MSI2: variants seen among roughly 807,000 people sequenced by gnomAD.
The protein encoded by MSI2 is musashi RNA binding protein 2, also known as RNA-binding protein Musashi homolog 2.
MSI2 carries 17 observed loss-of-function variants against 45.6 expected under a neutral mutation model. That is an observed-to-expected ratio of 0.37 (90% CI 0.26 to 0.56). The LOEUF is 0.56. MSI2 is among the 20% of genes least tolerant of loss of function. MSI2 has a pLI of 0.77. For synonymous variants in MSI2, 156 were observed against 158.2 expected (o/e 0.99, Z 0.11); for missense variants, 293 against 444.2 (o/e 0.66, Z 3.06).
At chr17:57,569,361 A>G (rs1407462625) in intron 7 of MSI2, among the ~76,000 whole-genome samples, 4 of 152,220 alleles carry the variant, frequency 2.6e-5, no homozygotes, top group Non-Finnish European at 5.9e-5. Context: ...TAGAAAAGGC[A>G]TCTCTGCCCC....
At chr17:57,327,413 A>G (rs912279204) in intron 5 of MSI2, among the ~76,000 whole-genome samples, 8 of 152,232 alleles carry the variant, frequency 5.3e-5, no homozygotes, top group African/African-American at 1.7e-4. Flanking sequence ...TCAGCAAGGT[A>G]CCTGGAATGA....
intron 5 of MSI2, among the ~76,000 whole-genome samples, chr17:57,321,089 G>T (rs1187196688): frequency 6.6e-6 from 1 of 151,572 alleles, no homozygotes; most frequent in African/African-American, 2.4e-5. Flanking sequence ...ATAATTGGCG[G>T]TGGGGGGGAT....
intron 6 of MSI2, among the ~76,000 whole-genome samples, chr17:57,457,263 A>T (rs1385123765): frequency 6.6e-6 from 1 of 152,102 alleles, no homozygotes; most frequent in African/African-American, 2.4e-5. Context: ...ACAGAATTGG[A>T]CTCTAGATGG....
intron 6 of MSI2, among the ~76,000 whole-genome samples, chr17:57,502,775 C>T (rs1386221036): frequency 2.0e-5 from 3 of 151,292 alleles, no homozygotes; most frequent in Admixed American, 6.6e-5. Context: ...TGTTGGGAAC[C>T]GACCACCTAC....
chr17:57,411,903 A>G (rs2084203881), intron 6 of MSI2, among the ~76,000 whole-genome samples: 1 of 151,978 alleles, frequency 6.6e-6, no homozygotes, highest in Non-Finnish European at 1.5e-5. Flanking sequence ...GCTACTCAGA[A>G]GGCTGAGGCA....
chr17:57,437,602 G>A (rs537314297), intron 6 of MSI2, among the ~76,000 whole-genome samples: 1 of 152,304 alleles, frequency 6.6e-6, no homozygotes, highest in Non-Finnish European at 1.5e-5. Flanking sequence ...TCAAACTTTT[G>A]TCCTTGGCTC....
intron 6 of MSI2, among the ~76,000 whole-genome samples, chr17:57,453,325 T>G (rs928726057): frequency 1.3e-5 from 2 of 152,146 alleles, no homozygotes; most frequent in African/African-American, 4.8e-5. Flanking sequence ...CTTTTGCTTG[T>G]GGTCACTTCC....
At chr17:57,578,750 C>T (rs1398674720) in intron 7 of MSI2, among the ~76,000 whole-genome samples, 1 of 152,106 alleles carries the variant, frequency 6.6e-6, no homozygotes, top group Non-Finnish European at 1.5e-5. Context: ...GGCGCAAAAC[C>T]AATTCCTCTT....
rs767342019 is a variant in MSI2, at chr17:57,273,486, T to A, written c.312+11294T>A. ...ATGATTTTTTTTTTTTTTTTTCTTTTACTGGATTCACACAACTGCAGAACA... is the reference window on the plus strand; with the variant it reads ...ATGATTTTTTTTTTTTTTTTTCTTTAACTGGATTCACACAACTGCAGAACA... On this transcript the variant is annotated intron_variant, in intron 5 of 13. Transcript: ENST00000284073. Among the ~76,000 whole-genome samples the A allele has an allele frequency of 2.3e-3, 315 of 139,268 alleles. 1 individual carries two copies. Among genetic ancestry groups the A allele is most frequent in the Non-Finnish European group, 4.1e-3 (266 of 65,092 alleles). The allele number at this position is 139,268 out of a possible 152,430, so 91.4% of individuals were successfully genotyped here. A position where few individuals can be genotyped will look rare whatever the true frequency, so the allele number is the denominator to read the frequency against.
At chr17:57,368,009 T>G (rs1914788691) in intron 5 of MSI2, among the ~76,000 whole-genome samples, 1 of 152,166 alleles carries the variant, frequency 6.6e-6, no homozygotes, top group Non-Finnish European at 1.5e-5. Context: ...AAAGACCCTG[T>G]CCTCAAGCAG....
intron 5 of MSI2, among the ~76,000 whole-genome samples, chr17:57,293,525 C>T (rs1910627306): frequency 6.6e-6 from 1 of 151,274 alleles, no homozygotes; most frequent in Non-Finnish European, 1.5e-5. Context: ...GCTCAAGTAT[C>T]TGATCATAAT....
chr17:57,393,562 T>C (rs905916599), intron 5 of MSI2, among the ~76,000 whole-genome samples: 9 of 152,188 alleles, frequency 5.9e-5, no homozygotes, highest in African/African-American at 1.9e-4. Flanking sequence ...TTTTTGGCTG[T>C]TGCTGCCATG....
intron 11 of MSI2, chr17:57,671,521 A>G (rs567458335): frequency 6.6e-6 from 1 of 152,296 alleles, no homozygotes; most frequent in East Asian, 1.9e-4. Flanking sequence ...CCGTTCGCTT[A>G]GAAGGATCAC....
chr17:57,526,947 A>G (rs2086715158), intron 6 of MSI2, among the ~76,000 whole-genome samples: 1 of 152,078 alleles, frequency 6.6e-6, no homozygotes, highest in South Asian at 2.1e-4. Flanking sequence ...ATCCTCCCCC[A>G]CGCTCACCAG....
chr17:57,423,036 C>T (rs72833028), intron 6 of MSI2, among the ~76,000 whole-genome samples: 5,760 of 152,190 alleles, frequency 0.038, 177 homozygotes, highest in Middle Eastern at 0.065. Context: ...AAGGGGCCAC[C>T]TCATCTTGGC....
chr17:57,494,335 C>T lies in MSI2; in HGVS notation c.406-35341C>T, dbSNP rs77358533. ...CACTGTGGGCTTCTGGACTCCCATG[C>T]CCAACAGCCTCCATGATGCAGAAGC... On this transcript the variant is annotated intron_variant, in intron 6 of 13. Transcript: ENST00000284073. 8.3e-3 allele frequency among the ~76,000 whole-genome samples: 1,263 copies of T among 152,262 alleles called. 65 individuals carry two copies. The South Asian group carries it at 0.14, about 17-fold the overall frequency.
At chr17:57,364,709 A>G (rs762533987) in intron 5 of MSI2, among the ~76,000 whole-genome samples, 34 of 152,024 alleles carry the variant, frequency 2.2e-4, no homozygotes, top group Non-Finnish European at 4.4e-4. Context: ...CGGGAAGCCT[A>G]GGGTTGGGTC....
intron 5 of MSI2, among the ~76,000 whole-genome samples, chr17:57,283,814 G>C (rs1205250163): frequency 1.3e-5 from 2 of 152,200 alleles, no homozygotes; most frequent in Non-Finnish European, 2.9e-5. Context: ...TTCAGGTGGG[G>C]CCTGCCGGGT....
intron 12 of MSI2, among the ~76,000 whole-genome samples, chr17:57,676,211 C>T (rs1913216149): frequency 6.6e-6 from 1 of 152,252 alleles, no homozygotes; most frequent in Non-Finnish European, 1.5e-5. Flanking sequence ...GAGCTCCTCC[C>T]TCATACACAC....
Sources: gnomAD v4.1 joint callset for allele counts (sites outside exome capture counted in the v4.1 genomes callset) on GRCh38, gnomAD v4.1.1 for gene constraint, MANE v1.5 for transcripts, NCBI Gene and HGNC (gene_info 2026-07-23, HGNC 2026-07-21) for gene names.